Variants in NEK11 observed in about 807,000 individuals in gnomAD.
NEK11 encodes the protein NIMA related kinase 11, also known as serine/threonine-protein kinase Nek11.
Under a neutral mutation model 80.7 loss-of-function variants are expected in NEK11, and 72 were observed. The ratio of observed to expected loss-of-function variants is 0.89; its 90% CI spans 0.74 to 1.08. The LOEUF (loss-of-function observed/expected upper bound fraction) is 1.08. Ranked by LOEUF, NEK11 falls within the 50% of genes least tolerant of loss-of-function variation. The pLI is 0.00. For missense variants in NEK11, 764 were observed against 763.6 expected (o/e 1.00, Z -0.01); for synonymous variants, 251 against 260.7 (o/e 0.96, Z 0.36).
chr3:131,299,729 GTATTCCATGGTGTATATGTAC>G (rs1327975852), intron 17 of NEK11, among the ~76,000 whole-genome samples: 2 of 152,176 alleles, frequency 1.3e-5, no homozygotes, highest in East Asian at 3.9e-4. Flanking sequence ...TGACTGTGTA[GTATTCCATGGTGTATATGTAC>G]TACATTTTCT....
At chr3:131,185,557 T>A (rs1269442799) in intron 14 of NEK11, among the ~76,000 whole-genome samples, 1 of 152,118 alleles carries the variant, frequency 6.6e-6, no homozygotes, top group African/African-American at 2.4e-5. Flanking sequence ...GCTCAACTGA[T>A]CCCCAATATC....
chr3:131,247,972 G>T (rs1270212089), intron 16 of NEK11, among the ~76,000 whole-genome samples: 2 of 151,344 alleles, frequency 1.3e-5, no homozygotes. Context: ...TACTTAATTT[G>T]TTCATCTAAT....
intron 17 of NEK11, among the ~76,000 whole-genome samples, chr3:131,318,900 TAATATC>T (rs2096870656): frequency 6.6e-6 from 1 of 151,882 alleles, no homozygotes; most frequent in Non-Finnish European, 1.5e-5. Flanking sequence ...AGCAGGACAT[TAATATC>T]ATTTTTTATT....
At chr3:131,292,611 G>A (rs973071579) in intron 17 of NEK11, among the ~76,000 whole-genome samples, 2 of 151,832 alleles carry the variant, frequency 1.3e-5, no homozygotes, top group African/African-American at 4.8e-5. Flanking sequence ...AAACTCCTGG[G>A]CTCAGGTGAT....
At chr3:131,144,032 C>A (rs762722599) in intron 7 of NEK11, among the ~76,000 whole-genome samples, 3 of 152,126 alleles carry the variant, frequency 2.0e-5, no homozygotes, top group Admixed American at 6.6e-5. Context: ...TGCTCTGGGG[C>A]AGGCATCTGT....
intron 17 of NEK11, among the ~76,000 whole-genome samples, chr3:131,345,694 G>A (rs1236178341): frequency 1.3e-5 from 2 of 152,098 alleles, no homozygotes; most frequent in East Asian, 1.9e-4. Context: ...TATACCCAAA[G>A]GAGAAGAAAA....
chr3:131,126,831 A>C (rs1210330406), intron 5 of NEK11, among the ~76,000 whole-genome samples: 1 of 152,088 alleles, frequency 6.6e-6, no homozygotes, highest in Non-Finnish European at 1.5e-5. Flanking sequence ...ATGTTAGACC[A>C]TCACATTCTG....
chr3:131,039,216 T>G (rs1324442631), intron 3 of NEK11, among the ~76,000 whole-genome samples: 7 of 152,176 alleles, frequency 4.6e-5, no homozygotes, highest in African/African-American at 7.2e-5. Context: ...TTCATCGAGA[T>G]GTTTTATAAT....
intron 14 of NEK11, among the ~76,000 whole-genome samples, chr3:131,213,371 G>C (rs540605166): frequency 1.3e-5 from 2 of 152,310 alleles, no homozygotes; most frequent in Non-Finnish European, 2.9e-5. Flanking sequence ...CAGGAGACCA[G>C]AGGTGGAAAA....
chr3:131,349,048 CT>C (rs1379893207), intron 17 of NEK11, among the ~76,000 whole-genome samples: 5 of 152,044 alleles, frequency 3.3e-5, no homozygotes, highest in Non-Finnish European at 5.9e-5. Context: ...GCCACAATAG[CT>C]TTCTTGTTAT....
chr3:131,101,656 G>A (rs140975862), intron 4 of NEK11, among the ~76,000 whole-genome samples: 1,761 of 152,214 alleles, frequency 0.012, 39 homozygotes, highest in African/African-American at 0.04. Context: ...GCATGAGTTC[G>A]ATCTTAGAAT....
At chr3:131,095,624 A>C (rs1015411104) in intron 4 of NEK11, among the ~76,000 whole-genome samples, 3 of 152,206 alleles carry the variant, frequency 2.0e-5, no homozygotes, top group Non-Finnish European at 4.4e-5. Context: ...AAAACATATT[A>C]ATAACATACT....
At chr3:131,191,733 GTCTTT>G (rs2093805420) in intron 14 of NEK11, among the ~76,000 whole-genome samples, 1 of 152,098 alleles carries the variant, frequency 6.6e-6, no homozygotes, top group Admixed American at 6.6e-5. Flanking sequence ...GTTAAGGACA[GTCTTT>G]TCAACAAATG....
At chr3:131,224,200 C>A (rs1176230927) in intron 14 of NEK11, among the ~76,000 whole-genome samples, 3 of 151,958 alleles carry the variant, frequency 2.0e-5, no homozygotes, top group South Asian at 4.1e-4. Context: ...ATAGTGATGA[C>A]AAATGACTGT....
intron 3 of NEK11, among the ~76,000 whole-genome samples, chr3:131,039,912 A>G (rs1043450957): frequency 6.6e-6 from 1 of 152,206 alleles, no homozygotes; most frequent in Non-Finnish European, 1.5e-5. Context: ...TATGTTAGTA[A>G]TAGTTTCTTG....
At chr3:131,067,384 T>C (rs2072237397) in intron 3 of NEK11, among the ~76,000 whole-genome samples, 1 of 152,326 alleles carries the variant, frequency 6.6e-6, no homozygotes, top group African/African-American at 2.4e-5. Flanking sequence ...GAATTCTGTT[T>C]CTGAATGAAT....
intron 10 of NEK11, among the ~76,000 whole-genome samples, chr3:131,156,812 C>T (rs2149862777): frequency 6.6e-6 from 1 of 152,218 alleles, no homozygotes; most frequent in Non-Finnish European, 1.5e-5. Context: ...TTATTACCTG[C>T]TAAAATGTTA....
At chr3:131,127,195 C>T (rs566883392) in intron 5 of NEK11, among the ~76,000 whole-genome samples, 1 of 151,980 alleles carries the variant, frequency 6.6e-6, no homozygotes, top group African/African-American at 2.4e-5. Context: ...GAACTCCTGA[C>T]CTCAGGTGAT....
chr3:131,223,253 T>C (rs901603907), intron 14 of NEK11, among the ~76,000 whole-genome samples: 16 of 152,332 alleles, frequency 1.1e-4, no homozygotes, highest in Middle Eastern at 3.4e-3. Context: ...TTTTTGACTT[T>C]TCCCTTTGAA....
Sources: allele counts gnomAD v4.1 joint callset (sites outside exome capture counted in the v4.1 genomes callset), GRCh38; gene constraint gnomAD v4.1.1; transcripts MANE v1.5; gene names NCBI Gene and HGNC (gene_info 2026-07-23, HGNC 2026-07-21).